The following CSMD1 variants were observed in gnomAD, a reference collection of about 807,000 sequenced individuals.
CSMD1 encodes CUB and sushi domain-containing protein 1.
A neutral mutation model predicts 417.5 loss-of-function variants in CSMD1; 213 were observed. The ratio of observed to expected loss-of-function variants is 0.51; its 90% confidence interval spans 0.46 to 0.57. CSMD1 has a LOEUF of 0.57. Ranked by LOEUF, CSMD1 falls within the 20% of genes least tolerant of loss-of-function variation. CSMD1 has a pLI of 0.00. For missense variants in CSMD1, 6,923 were observed against 4,529.7 expected (o/e 1.53, Z -15.17); for synonymous variants, 2,862 against 1,736.8 (o/e 1.65, Z -16.11).
chr8:2,981,456 T>TCC (rs1323737606), intron 54 of CSMD1, among the ~76,000 whole-genome samples: 1 of 152,146 alleles, frequency 6.6e-6, no homozygotes, highest in East Asian at 1.9e-4. Context: ...TGCTGTTAAG[T>TCC]ATAGGGTAAT....
At chr8:4,664,904 T>C (rs1804819173) in intron 1 of CSMD1, among the ~76,000 whole-genome samples, 1 of 152,220 alleles carries the variant, frequency 6.6e-6, no homozygotes, top group Non-Finnish European at 1.5e-5. Context: ...AGTTTCTATT[T>C]ACATAAAAAA....
chr8:3,997,284 A>G (rs1300136380), intron 5 of CSMD1, among the ~76,000 whole-genome samples: 1 of 152,234 alleles, frequency 6.6e-6, no homozygotes, highest in Non-Finnish European at 1.5e-5. Context: ...AATCACGACC[A>G]TCACTCCTAA....
At chr8:4,443,872 A>T (rs1172775141) in intron 2 of CSMD1, among the ~76,000 whole-genome samples, 3 of 152,192 alleles carry the variant, frequency 2.0e-5, no homozygotes, top group Non-Finnish European at 4.4e-5. Flanking sequence ...ATGTGAAAAC[A>T]CTCAGCTATG....
At chr8:4,908,878 A>G (rs1439587392) in intron 1 of CSMD1, among the ~76,000 whole-genome samples, 2 of 152,160 alleles carry the variant, frequency 1.3e-5, no homozygotes, top group African/African-American at 2.4e-5. Flanking sequence ...TAATTGTTCT[A>G]AATTCCCTGA....
chr8:4,667,154 C>A (rs554892584), intron 1 of CSMD1, among the ~76,000 whole-genome samples: 1 of 152,000 alleles, frequency 6.6e-6, no homozygotes, highest in Non-Finnish European at 1.5e-5. Context: ...AAATATTGTT[C>A]GGCCACATAT....
At chr8:2,970,417 C>T (rs561245064) in intron 57 of CSMD1, among the ~76,000 whole-genome samples, 1 of 152,308 alleles carries the variant, frequency 6.6e-6, no homozygotes, top group East Asian at 1.9e-4. Context: ...GCTCTTCATA[C>T]ACCAAGTTCA....
intron 3 of CSMD1, among the ~76,000 whole-genome samples, chr8:4,362,870 T>C (rs1213613988): frequency 6.6e-6 from 1 of 152,234 alleles, no homozygotes; most frequent in Non-Finnish European, 1.5e-5. Context: ...TATAAATTCA[T>C]GGCTCATCTG....
chr8:4,120,376 T>C (rs909012789), intron 3 of CSMD1, among the ~76,000 whole-genome samples: 7 of 152,236 alleles, frequency 4.6e-5, no homozygotes, highest in Admixed American at 1.3e-4. Flanking sequence ...TTACTTAGAC[T>C]AATGCCAACA....
At chr8:3,275,700 A>G (rs889696962) in intron 26 of CSMD1, among the ~76,000 whole-genome samples, 3 of 151,754 alleles carry the variant, frequency 2.0e-5, no homozygotes, top group Non-Finnish European at 4.4e-5. Flanking sequence ...CACTGATACC[A>G]TTTCTTCCAG....
At chr8:4,257,946 C>A (rs1803579910) in intron 3 of CSMD1, among the ~76,000 whole-genome samples, 1 of 152,102 alleles carries the variant, frequency 6.6e-6, no homozygotes, top group African/African-American at 2.4e-5. Flanking sequence ...TTTTCAAAAT[C>A]ATTAGAATCT....
intron 5 of CSMD1, among the ~76,000 whole-genome samples, chr8:3,893,441 G>A (rs748823662): frequency 2.0e-4 from 29 of 148,228 alleles, no homozygotes; most frequent in East Asian, 1.0e-3. Flanking sequence ...TGAAACCAAT[G>A]AGGACAGTAT....
At chr8:4,323,608 A>T (rs995437310) in intron 3 of CSMD1, among the ~76,000 whole-genome samples, 4 of 152,198 alleles carry the variant, frequency 2.6e-5, no homozygotes, top group Non-Finnish European at 5.9e-5. Flanking sequence ...CAAAGTCAAC[A>T]GTGCGACAGA....
At chr8:4,039,439 TTTCCTAGTCTTG>T (rs1797776178) in intron 3 of CSMD1, among the ~76,000 whole-genome samples, 4 of 152,210 alleles carry the variant, frequency 2.6e-5, no homozygotes, top group African/African-American at 7.2e-5. Flanking sequence ...AAAAATCGGA[TTTCCTAGTCTTG>T]AAACCTTACA....
At chr8:3,104,350 C>A (rs1382092871) in intron 46 of CSMD1, among the ~76,000 whole-genome samples, 2 of 152,170 alleles carry the variant, frequency 1.3e-5, no homozygotes, top group Non-Finnish European at 2.9e-5. Context: ...GATCTCCTGA[C>A]TTTGCACCCA....
intron 5 of CSMD1, among the ~76,000 whole-genome samples, chr8:3,785,628 C>T (rs1431328726): frequency 6.6e-6 from 1 of 152,126 alleles, no homozygotes; most frequent in Non-Finnish European, 1.5e-5. Context: ...AAGCAAGTTA[C>T]CATCGAGTGT....
Position 4,725,512 on chromosome 8 carries a change from C to T in CSMD1, c.86-87954G>A, listed in dbSNP as rs567124431. On this transcript the variant is annotated intron_variant, in intron 1 of 69. Coordinates refer to ENST00000635120, the MANE Select transcript of CSMD1 (RefSeq NM_033225.6). ...GTGAGCTCCACAAGGGCATATCGCA[C>T]AGAGATTTCCATTTTGCGAACTCCA... is the stretch of plus-strand genomic sequence containing the variant. 2.8e-4 allele frequency among the ~76,000 whole-genome samples: 43 copies of T among 152,292 alleles called. No individual in the cohort carries two copies. In the South Asian group the frequency reaches 8.7e-3, roughly 31 times the overall value.
At chr8:4,291,912 C>T (rs1440512261) in intron 3 of CSMD1, among the ~76,000 whole-genome samples, 1 of 152,180 alleles carries the variant, frequency 6.6e-6, no homozygotes, top group East Asian at 1.9e-4. Flanking sequence ...CAAGCAGGAA[C>T]AGAACCTTCT....
chr8:3,305,088 T>G (rs989619991), intron 25 of CSMD1, among the ~76,000 whole-genome samples: 5 of 152,174 alleles, frequency 3.3e-5, no homozygotes, highest in African/African-American at 1.2e-4. Context: ...TGATCATAGC[T>G]TACTTCAGCC....
chr8:3,184,180 G>C (rs1366720175), intron 36 of CSMD1, among the ~76,000 whole-genome samples: 1 of 152,064 alleles, frequency 6.6e-6, no homozygotes, highest in East Asian at 1.9e-4. Flanking sequence ...TCATAGGCCT[G>C]GGATGTTCGT....
Sources: allele counts gnomAD v4.1 joint callset (sites outside exome capture counted in the v4.1 genomes callset), GRCh38; gene constraint gnomAD v4.1.1; transcripts MANE v1.5; gene names NCBI Gene and HGNC (gene_info 2026-07-23, HGNC 2026-07-21).